Variants in DGKB observed in about 807,000 individuals in gnomAD.
DGKB encodes the protein 90 kDa diacylglycerol kinase.
A neutral mutation model predicts 114.3 loss-of-function variants in DGKB; 67 were observed. The observed-to-expected ratio is 0.59, with a 90% CI of 0.48 to 0.72. The LOEUF (loss-of-function observed/expected upper bound fraction) is 0.72. DGKB is among the 30% of genes least tolerant of loss of function. The pLI is 0.00. For missense variants in DGKB, 907 were observed against 975.2 expected (o/e 0.93, Z 0.93); for synonymous variants, 398 against 323.1 (o/e 1.23, Z -2.49).
At chr7:14,424,470 A>T (rs540964600) in intron 21 of DGKB, among the ~76,000 whole-genome samples, 1 of 152,100 alleles carries the variant, frequency 6.6e-6, no homozygotes, top group African/African-American at 2.4e-5. Flanking sequence ...CCTATATAAA[A>T]GAGTTAGGTC....
At chr7:14,182,895 T>C (rs1782844944) in intron 23 of DGKB, among the ~76,000 whole-genome samples, 1 of 152,106 alleles carries the variant, frequency 6.6e-6, no homozygotes, top group African/African-American at 2.4e-5. Flanking sequence ...CAGAATATAG[T>C]GGGTACTGAA....
chr7:14,272,633 T>G (rs1181945151), intron 23 of DGKB, among the ~76,000 whole-genome samples: 1 of 152,176 alleles, frequency 6.6e-6, no homozygotes, highest in African/African-American at 2.4e-5. Flanking sequence ...TCTACTTTTT[T>G]TGCTTAAAGC....
At chr7:14,707,324 A>C (rs1470355158) in intron 6 of DGKB, among the ~76,000 whole-genome samples, 1 of 150,216 alleles carries the variant, frequency 6.7e-6, no homozygotes, top group Non-Finnish European at 1.5e-5. Flanking sequence ...GGCAATAATC[A>C]ATAGTTTACC....
chr7:14,334,845 G>T (rs979975388), intron 23 of DGKB, among the ~76,000 whole-genome samples: 3 of 152,214 alleles, frequency 2.0e-5, no homozygotes, highest in Admixed American at 1.3e-4. Context: ...GAATATTAAC[G>T]CTAGGAGAAC....
chr7:14,729,127 T>TC (rs940881173), intron 5 of DGKB, among the ~76,000 whole-genome samples: 2 of 127,822 alleles, frequency 1.6e-5, no homozygotes, highest in African/African-American at 7.3e-5. Flanking sequence ...TTCTTTCTTT[T>TC]TTTTTTTTTT....
intron 2 of DGKB, among the ~76,000 whole-genome samples, chr7:14,793,444 A>C (rs1023082952): frequency 6.6e-6 from 1 of 152,100 alleles, no homozygotes. Flanking sequence ...AAAGGATTGA[A>C]GATGCTTTGC....
At chr7:14,388,927 C>T (rs953695329) in intron 21 of DGKB, among the ~76,000 whole-genome samples, 1 of 152,160 alleles carries the variant, frequency 6.6e-6, no homozygotes, top group Non-Finnish European at 1.5e-5. Flanking sequence ...CTGTCCTTTA[C>T]CCCTTTGTTA....
intron 23 of DGKB, among the ~76,000 whole-genome samples, chr7:14,220,707 T>C (rs567014455): frequency 1.1e-3 from 174 of 151,708 alleles, no homozygotes; most frequent in Non-Finnish European, 2.2e-3. Flanking sequence ...TAGATCAAGT[T>C]GGTGAGCATT....
intron 13 of DGKB, among the ~76,000 whole-genome samples, chr7:14,635,359 G>C (rs550556247): frequency 1.1e-5 from 1 of 91,310 alleles, no homozygotes; most frequent in East Asian, 8.7e-4. Context: ...TAGAGACACA[G>C]AAGAAATTAT....
At chr7:14,970,546 A>T (rs1259971622) in intron 1 of DGKB, among the ~76,000 whole-genome samples, 1 of 152,182 alleles carries the variant, frequency 6.6e-6, no homozygotes, top group Non-Finnish European at 1.5e-5. Flanking sequence ...GCTCATAGGA[A>T]AAATGAAGGA....
intron 21 of DGKB, among the ~76,000 whole-genome samples, chr7:14,468,048 A>G (rs12154362): frequency 0.37 from 56,467 of 151,958 alleles, 10,893 homozygotes; most frequent in Admixed American, 0.48. Context: ...CATTCTTATT[A>G]TATTATTGAT....
chr7:14,149,270 G>T (rs535337695), intron 25 of DGKB, 32 bp from the exon 26 acceptor site: 15 of 1,465,756 alleles, frequency 1.0e-5, no homozygotes, highest in African/African-American at 9.8e-5. Context: ...GAGAGAGAAA[G>T]AATAGAGTAA....
intron 2 of DGKB, among the ~76,000 whole-genome samples, chr7:14,807,608 G>A (rs1363305137): frequency 2.0e-5 from 3 of 151,928 alleles, no homozygotes; most frequent in Non-Finnish European, 1.5e-5. Context: ...TTTCACAAGT[G>A]ATATAAAACG....
intron 23 of DGKB, among the ~76,000 whole-genome samples, chr7:14,288,695 T>C (rs1193092811): frequency 6.6e-6 from 1 of 152,172 alleles, no homozygotes; most frequent in Non-Finnish European, 1.5e-5. Context: ...CAAGTCAGCC[T>C]TTGATTGTTA....
intron 1 of DGKB, among the ~76,000 whole-genome samples, chr7:14,924,421 G>C (rs1222589796): frequency 3.3e-5 from 5 of 152,102 alleles, no homozygotes; most frequent in African/African-American, 1.2e-4. Context: ...GTTATAAAAA[G>C]TTCTCAGGTG....
intron 2 of DGKB, among the ~76,000 whole-genome samples, chr7:14,830,400 C>A (rs573247171): frequency 6.7e-6 from 1 of 149,292 alleles, no homozygotes; most frequent in African/African-American, 2.5e-5. Flanking sequence ...AAAAAAAATA[C>A]CATGACTATT....
chr7:14,181,316 T>C (rs1158132091), intron 23 of DGKB, among the ~76,000 whole-genome samples: 3 of 152,180 alleles, frequency 2.0e-5, no homozygotes, highest in Admixed American at 2.0e-4. Flanking sequence ...GTTGTCACTT[T>C]AGTACTGCAG....
intron 23 of DGKB, among the ~76,000 whole-genome samples, chr7:14,236,973 G>A (rs1397859123): frequency 6.6e-6 from 1 of 151,730 alleles, no homozygotes; most frequent in Non-Finnish European, 1.5e-5. Context: ...CAATGTGGTA[G>A]TGGATCAATA....
intron 23 of DGKB, among the ~76,000 whole-genome samples, chr7:14,292,062 T>C (rs923801774): frequency 1.3e-5 from 2 of 152,196 alleles, no homozygotes; most frequent in Admixed American, 6.5e-5. Flanking sequence ...TTTTTAGCAC[T>C]GGTATGGAAA....
Sources: allele counts gnomAD v4.1 joint callset (sites outside exome capture counted in the v4.1 genomes callset), GRCh38; gene constraint gnomAD v4.1.1; transcripts MANE v1.5; gene names NCBI Gene and HGNC (gene_info 2026-07-23, HGNC 2026-07-21).